Variants in FHOD3 observed in about 807,000 individuals in gnomAD.
The protein encoded by FHOD3 is formin homology 2 domain containing 3.
Under a neutral mutation model 173.0 loss-of-function variants are expected in FHOD3, and 90 were observed. That is an observed-to-expected ratio of 0.52 (90% CI 0.44 to 0.62). The LOEUF is 0.62. Among genes scored for constraint, FHOD3 ranks in the 20% least tolerant of loss-of-function variants. The probability of loss-of-function intolerance (pLI) is 0.00; values close to 1 mark genes in which losing one functional copy is unlikely to be tolerated. For synonymous variants in FHOD3, 828 were observed against 823.0 expected, an observed-to-expected ratio of 1.01 and a Z score of -0.10; for missense variants, 1,945 against 2,034.7, an observed-to-expected ratio of 0.96 and a Z score of 0.85.
At chr18:36,513,769 A>G (rs1000974169) in intron 5 of FHOD3, among the ~76,000 whole-genome samples, 3 of 152,088 alleles carry the variant, frequency 2.0e-5, no homozygotes, top group African/African-American at 7.2e-5. Context: ...CGTAGGGCTC[A>G]TTAAAAAAAA....
intron 1 of FHOD3, among the ~76,000 whole-genome samples, chr18:36,301,573 A>G (rs2144392206): frequency 6.6e-6 from 1 of 152,348 alleles, no homozygotes; most frequent in Non-Finnish European, 1.5e-5. Flanking sequence ...TGGGCTAAGC[A>G]AGACATTTAG....
intron 21 of FHOD3, among the ~76,000 whole-genome samples, chr18:36,741,328 G>A (rs2041891799): frequency 6.6e-6 from 1 of 152,212 alleles, no homozygotes; most frequent in South Asian, 2.1e-4. Flanking sequence ...TGAGTAGAAA[G>A]CAGAGGACAT....
At position 36,602,711 on chromosome 18, in the gene FHOD3, G is replaced by A; in HGVS notation, c.756G>A (p.Glu252=). ...KPWSNIMEIL[E]EKDGVDTELL... Reference sequence around the variant, plus strand: ...GGTCAAATATCATGGAAATCCTGGAGGAAAAAGATGGAGTTGATACGGAGC... The same window carrying A: ...GGTCAAATATCATGGAAATCCTGGAAGAAAAAGATGGAGTTGATACGGAGC... The change falls in exon 8 of 29, where the codon GAG becomes GAA. Residue 252 remains glutamate (E), a synonymous_variant. Coordinates refer to ENST00000590592, the MANE Select transcript of FHOD3 (RefSeq NM_001281740.3). 1 of 1,614,184 alleles carries A rather than the reference G, an allele frequency of 6.2e-7. No individual in the cohort carries two copies. The highest frequency in any genetic ancestry group is 8.5e-7 in the Non-Finnish European group (1 of 1,180,024).
At chr18:36,534,546 G>A (rs568129502) in intron 5 of FHOD3, among the ~76,000 whole-genome samples, 34 of 151,144 alleles carry the variant, frequency 2.2e-4, no homozygotes, top group African/African-American at 7.1e-4. Flanking sequence ...GCACTCTGTC[G>A]CCCAGGCTGG....
At chr18:36,519,546 C>T (rs1227533035) in intron 5 of FHOD3, among the ~76,000 whole-genome samples, 2 of 152,198 alleles carry the variant, frequency 1.3e-5, no homozygotes, top group African/African-American at 4.8e-5. Context: ...TCTGAGTCAT[C>T]ATTGCTGTGG....
chr18:36,478,606 T>C (rs1014793215), intron 3 of FHOD3, among the ~76,000 whole-genome samples: 5 of 152,222 alleles, frequency 3.3e-5, no homozygotes, highest in African/African-American at 1.2e-4. Context: ...ACTTTACAGA[T>C]ATTTATCAAG....
At chr18:36,511,275 A>G (rs1236734164) in intron 4 of FHOD3, among the ~76,000 whole-genome samples, 1 of 152,088 alleles carries the variant, frequency 6.6e-6, no homozygotes, top group Non-Finnish European at 1.5e-5. Context: ...GAGGAAAACA[A>G]TGGTGGAAAA....
intron 6 of FHOD3, among the ~76,000 whole-genome samples, chr18:36,591,219 G>A (rs2059205249): frequency 6.6e-6 from 1 of 152,216 alleles, no homozygotes. Flanking sequence ...TAGAAGCAGA[G>A]AAGCAATCGT....
intron 1 of FHOD3, among the ~76,000 whole-genome samples, chr18:36,333,733 C>T (rs912438042): frequency 6.6e-6 from 1 of 152,298 alleles, no homozygotes; most frequent in South Asian, 2.1e-4. Flanking sequence ...CGCCACCCCT[C>T]CTAACCTATT....
In FHOD3 at chr18:36,513,331, A is replaced by G. The variant is rs146237159; in HGVS notation, c.511+788A>G. Among the ~76,000 whole-genome samples the G allele has an allele frequency of 4.5e-3, 687 of 152,320 alleles. 3 individuals are homozygous for G. The highest frequency in any genetic ancestry group is 0.016 in the African/African-American group (645 of 41,574). On this transcript the variant is annotated intron_variant, in intron 5 of 28. Transcript: ENST00000590592. Reference sequence around the variant, plus strand: ...TATTATCTACATTTTCCAGTTGAAGAAAATTGAGACTCAAAGAAGTCATTA... The same window carrying G: ...TATTATCTACATTTTCCAGTTGAAGGAAATTGAGACTCAAAGAAGTCATTA...
chr18:36,309,313 T>C (rs1435731871), intron 1 of FHOD3, among the ~76,000 whole-genome samples: 1 of 150,932 alleles, frequency 6.6e-6, no homozygotes, highest in Non-Finnish European at 1.5e-5. Flanking sequence ...CTGAGGCAAG[T>C]GTGGCCACAG....
chr18:36,553,328 C>A (rs1045485335), intron 5 of FHOD3, among the ~76,000 whole-genome samples: 21 of 152,260 alleles, frequency 1.4e-4, no homozygotes, highest in African/African-American at 5.1e-4. Flanking sequence ...ATGATGCTGG[C>A]CTCATAAAAT....
At chr18:36,320,003 T>G (rs138883698) in intron 1 of FHOD3, among the ~76,000 whole-genome samples, 1 of 152,264 alleles carries the variant, frequency 6.6e-6, no homozygotes, top group East Asian at 1.9e-4. Context: ...AGAGGGAAAT[T>G]TATAGCACTA....
At chr18:36,356,891 C>T (rs1272474281) in intron 2 of FHOD3, among the ~76,000 whole-genome samples, 1 of 152,140 alleles carries the variant, frequency 6.6e-6, no homozygotes, top group African/African-American at 2.4e-5. Context: ...CCCTCAGCCT[C>T]CCTAAGTGCT....
chr18:36,730,897 CT>C, intron 20 of FHOD3, 93 bp downstream of exon 20: 1 of 1,336,694 alleles, frequency 7.5e-7, no homozygotes, highest in Non-Finnish European at 1.0e-6. Flanking sequence ...TCCATGGTGC[CT>C]TTCTGTCTCA....
intron 1 of FHOD3, among the ~76,000 whole-genome samples, chr18:36,311,138 A>G (rs2092246490): frequency 1.3e-5 from 2 of 152,044 alleles, no homozygotes; most frequent in Admixed American, 1.3e-4. Context: ...ATGGGGAGTC[A>G]CTGAAAGGCC....
At chr18:36,331,866 A>AC (rs1252009822) in intron 1 of FHOD3, among the ~76,000 whole-genome samples, 3 of 152,068 alleles carry the variant, frequency 2.0e-5, no homozygotes, top group African/African-American at 7.2e-5. Context: ...TGGGAGACAA[A>AC]CCTGGGGGCA....
intron 4 of FHOD3, among the ~76,000 whole-genome samples, chr18:36,509,773 A>G (rs1262434536): frequency 6.6e-6 from 1 of 151,988 alleles, no homozygotes; most frequent in Non-Finnish European, 1.5e-5. Flanking sequence ...ACATGCTTGG[A>G]CTCTTGTAGA....
chr18:36,515,419 C>T (rs553894194), intron 5 of FHOD3, among the ~76,000 whole-genome samples: 17 of 152,184 alleles, frequency 1.1e-4, no homozygotes, highest in Admixed American at 3.9e-4. Flanking sequence ...GGGGTTTCAC[C>T]ATGTTAGCCA....
Sources: allele counts gnomAD v4.1 joint callset (sites outside exome capture counted in the v4.1 genomes callset), GRCh38; gene constraint gnomAD v4.1.1; transcripts MANE v1.5; gene names NCBI Gene and HGNC (gene_info 2026-07-23, HGNC 2026-07-21).